The following CTNND2 variants were observed in gnomAD, a reference collection of about 807,000 sequenced individuals.
CTNND2 encodes the protein catenin delta-2.
CTNND2 carries 22 observed loss-of-function variants against 144.4 expected under a neutral mutation model. The ratio of observed to expected loss-of-function variants is 0.15; its 90% CI spans 0.11 to 0.22. The LOEUF (loss-of-function observed/expected upper bound fraction) is 0.22, where lower values mean the gene tolerates loss of function less well. CTNND2 is among the 10% of genes least tolerant of loss of function. The probability of loss-of-function intolerance (pLI) is 1.00; values close to 1 mark genes in which losing one functional copy is unlikely to be tolerated. For missense variants in CTNND2, 1,353 were observed against 1,618.8 expected (o/e 0.84, Z 2.82); for synonymous variants, 751 against 695.6 (o/e 1.08, Z -1.25).
intron 2 of CTNND2, among the ~76,000 whole-genome samples, chr5:11,595,857 A>G (rs528519772): frequency 2.9e-4 from 44 of 152,354 alleles, no homozygotes; most frequent in Admixed American, 7.8e-4. Flanking sequence ...ACATTAATTA[A>G]TTAGAGGTAA....
intron 20 of CTNND2, among the ~76,000 whole-genome samples, chr5:10,984,354 C>CTGAT (rs948135210): frequency 5.3e-5 from 8 of 152,294 alleles, no homozygotes; most frequent in Middle Eastern, 6.8e-3. Flanking sequence ...CTATAATTTG[C>CTGAT]TGATAGAAAA....
chr5:11,567,631 T>C (rs1340643542), intron 2 of CTNND2, among the ~76,000 whole-genome samples: 1 of 152,222 alleles, frequency 6.6e-6, no homozygotes, highest in Non-Finnish European at 1.5e-5. Context: ...ATTTATCCCA[T>C]CCAGTGTATT....
intron 15 of CTNND2, among the ~76,000 whole-genome samples, chr5:11,097,425 C>A (rs1561297563): frequency 6.6e-6 from 1 of 152,092 alleles, no homozygotes; most frequent in Non-Finnish European, 1.5e-5. Flanking sequence ...CTAATTATGC[C>A]CATTCCTAAG....
At chr5:11,333,296 CT>C (rs1753366337) in intron 9 of CTNND2, among the ~76,000 whole-genome samples, 1 of 152,058 alleles carries the variant, frequency 6.6e-6, no homozygotes, top group African/African-American at 2.4e-5. Flanking sequence ...CAGGGTCTCA[CT>C]CTGTTGCCCA....
At chr5:11,524,739 C>T (rs1773064283) in intron 3 of CTNND2, among the ~76,000 whole-genome samples, 1 of 152,186 alleles carries the variant, frequency 6.6e-6, no homozygotes, top group African/African-American at 2.4e-5. Context: ...AAAATTAATG[C>T]AGTTCCAACG....
intron 3 of CTNND2, among the ~76,000 whole-genome samples, chr5:11,477,381 A>ATTTT (rs34661817): frequency 6.8e-6 from 1 of 146,648 alleles, no homozygotes; most frequent in African/African-American, 2.5e-5. Flanking sequence ...CACATCACCT[A>ATTTT]TTTTTTTTTT....
At chr5:11,547,287 A>AT (rs1248733621) in intron 3 of CTNND2, among the ~76,000 whole-genome samples, 1 of 139,162 alleles carries the variant, frequency 7.2e-6, no homozygotes, top group Non-Finnish European at 1.6e-5. Flanking sequence ...AAATAAATAA[A>AT]TAAATAAATA....
chr5:11,364,063 G>A (rs1756725099), intron 8 of CTNND2, among the ~76,000 whole-genome samples: 2 of 152,142 alleles, frequency 1.3e-5, no homozygotes, highest in South Asian at 4.2e-4. Context: ...GTTGCAAATG[G>A]CTCCAGATAC....
chr5:11,869,316 G>A (rs1795917842), intron 1 of CTNND2, among the ~76,000 whole-genome samples: 1 of 152,186 alleles, frequency 6.6e-6, no homozygotes, highest in African/African-American at 2.4e-5. Context: ...AAAGGTGAAA[G>A]CAACTCGAAT....
intron 9 of CTNND2, among the ~76,000 whole-genome samples, chr5:11,341,939 G>A (rs747034237): frequency 6.6e-6 from 1 of 152,204 alleles, no homozygotes; most frequent in Non-Finnish European, 1.5e-5. Flanking sequence ...GAGCCTGGAA[G>A]TTTGAGCCTG....
chr5:11,578,666 C>CATGA (rs1402078296), intron 2 of CTNND2, among the ~76,000 whole-genome samples: 7 of 87,664 alleles, frequency 8.0e-5, no homozygotes, highest in Non-Finnish European at 1.2e-4. Flanking sequence ...ATCACAAATA[C>CATGA]ATGAATAAAT....
At chr5:11,680,223 T>G (rs1784366681) in intron 2 of CTNND2, among the ~76,000 whole-genome samples, 1 of 152,118 alleles carries the variant, frequency 6.6e-6, no homozygotes, top group Admixed American at 6.6e-5. Context: ...CACCAACCCC[T>G]AAGGCAGCTC....
chr5:11,129,639 G>C (rs994464163), intron 12 of CTNND2, among the ~76,000 whole-genome samples: 35 of 151,754 alleles, frequency 2.3e-4, no homozygotes, highest in African/African-American at 8.5e-4. Context: ...TGCCAGAAAA[G>C]TCCCCTGAAA....
intron 2 of CTNND2, among the ~76,000 whole-genome samples, chr5:11,608,101 C>T (rs1780146783): frequency 6.6e-6 from 1 of 152,132 alleles, no homozygotes; most frequent in South Asian, 2.1e-4. Flanking sequence ...GATGAACACA[C>T]ATACCAGATG....
At chr5:11,316,370 C>A (rs922117179) in intron 9 of CTNND2, among the ~76,000 whole-genome samples, 1 of 151,956 alleles carries the variant, frequency 6.6e-6, no homozygotes, top group Non-Finnish European at 1.5e-5. Context: ...GGACTATAGG[C>A]GCCTGCCACC....
chr5:11,860,614 CTATT>C (rs1041157028), intron 1 of CTNND2, among the ~76,000 whole-genome samples: 2 of 152,132 alleles, frequency 1.3e-5, no homozygotes, highest in Non-Finnish European at 2.9e-5. Flanking sequence ...AAGCCAGCGG[CTATT>C]TGTTTTTATA....
chr5:11,205,345 A>G (rs1737931363), intron 10 of CTNND2, among the ~76,000 whole-genome samples: 1 of 152,228 alleles, frequency 6.6e-6, no homozygotes, highest in East Asian at 1.9e-4. Context: ...AGCTGATTAA[A>G]AAGAAGATAA....
intron 2 of CTNND2, among the ~76,000 whole-genome samples, chr5:11,693,640 C>T (rs1302844271): frequency 6.6e-6 from 1 of 152,180 alleles, no homozygotes; most frequent in African/African-American, 2.4e-5. Context: ...CTTTTGATCA[C>T]TGGTGTATGC....
intron 9 of CTNND2, among the ~76,000 whole-genome samples, chr5:11,303,189 G>T (rs1749796761): frequency 6.6e-6 from 1 of 152,192 alleles, no homozygotes; most frequent in Admixed American, 6.5e-5. Context: ...CGAAAATACA[G>T]CTAAACTGAA....
Sources: gnomAD v4.1 joint callset for allele counts (sites outside exome capture counted in the v4.1 genomes callset) on GRCh38, gnomAD v4.1.1 for gene constraint, MANE v1.5 for transcripts, NCBI Gene and HGNC (gene_info 2026-07-23, HGNC 2026-07-21) for gene names.